The following FH variants were observed in gnomAD, a reference collection of about 807,000 sequenced individuals.
The protein encoded by FH is fumarate hydratase, mitochondrial.
FH carries 22 observed loss-of-function variants against 49.4 expected under a neutral mutation model. The ratio of observed to expected loss-of-function variants is 0.45; its 90% CI spans 0.32 to 0.64. FH has a LOEUF of 0.64. Among genes scored for constraint, FH ranks in the 30% least tolerant of loss-of-function variants. FH has a pLI of 0.05. For missense variants in FH, 526 were observed against 641.5 expected, an observed-to-expected ratio of 0.82 and a Z score of 1.95; for synonymous variants, 208 against 223.0, an observed-to-expected ratio of 0.93 and a Z score of 0.60.
At position 241,512,138 on chromosome 1, in the gene FH, A is replaced by G. The variant is rs766368767; in HGVS notation, c.384T>C (p.Ala128=). 6.2e-7 allele frequency: 1 copy of G among 1,613,064 alleles called. No individual in the cohort carries two copies. Among genetic ancestry groups the G allele is most frequent in the African/African-American group, 1.3e-5 (1 of 74,896 alleles). Residue 128 remains alanine (A), a synonymous_variant, in exon 4 of 10, where the codon GCT becomes GCC. Coordinates refer to ENST00000366560, the MANE Select transcript of FH (RefSeq NM_000143.4). ...NAIMKAADEV[A]EGKLNDHFPL... ...GAAAATGATCATTTAATTTACCTTC[A>G]GCTACCTGCAGAAAAAATGTTAAAA... is the stretch of plus-strand genomic sequence containing the variant.
At chr1:241,507,634 T>C (rs192950056) in intron 5 of FH, among the ~76,000 whole-genome samples, 3 of 152,310 alleles carry the variant, frequency 2.0e-5, no homozygotes, top group Non-Finnish European at 4.4e-5. Context: ...GTATTTAGTA[T>C]TGTAGTTTTC....
rs143855605 is a variant in FH at position 241,497,714 on chromosome 1, T to C, written c.*114A>G. On this transcript the variant is annotated 3_prime_UTR_variant, in exon 10 of 10. Coordinates refer to ENST00000366560, the MANE Select transcript of FH (RefSeq NM_000143.4). ...TTATATACTGATCAAATTGCTCTGC[T>C]AGAGATGCTTAAGTTCAATAGCAGT... is the stretch of plus-strand genomic sequence containing the variant. The C allele has an allele frequency of 3.5e-4, 323 of 930,632 alleles. 3 individuals carry two copies. In the African/African-American group the frequency reaches 4.8e-3, roughly 14 times the overall value. The allele number at this position is 930,632 out of a possible 1,614,324, so 57.6% of individuals were successfully genotyped here. A position where few individuals can be genotyped will look rare whatever the true frequency, so the allele number is the denominator to read the frequency against.
At chr1:241,518,225 G>C (rs1035262485) in intron 1 of FH, among the ~76,000 whole-genome samples, 2 of 152,118 alleles carry the variant, frequency 1.3e-5, no homozygotes, top group African/African-American at 4.8e-5. Flanking sequence ...AGGGCAAAAA[G>C]TACCAGAACT....
At chr1:241,500,323 A>T in intron 9 of FH, 114 bp downstream of exon 9, 2 of 1,011,924 alleles carry the variant, frequency 2.0e-6, no homozygotes, top group Non-Finnish European at 3.1e-6. Flanking sequence ...TTTTACTAAA[A>T]CCATATTCAA....
At chr1:241,514,003 G>A (rs759361060) in intron 2 of FH, among the ~76,000 whole-genome samples, 5 of 151,814 alleles carry the variant, frequency 3.3e-5, no homozygotes, top group Non-Finnish European at 5.9e-5. Context: ...ATATTCACAC[G>A]AATACAATCC....
chr1:241,515,767 T>A (rs575783246), intron 2 of FH, among the ~76,000 whole-genome samples: 1 of 152,342 alleles, frequency 6.6e-6, no homozygotes, highest in South Asian at 2.1e-4. Flanking sequence ...GTTATGCATT[T>A]CTCAATTCTT....
chr1:241,504,395 A>C, intron 6 of FH, 150 bp from the exon 7 acceptor site: 2 of 752,958 alleles, frequency 2.7e-6, no homozygotes, highest in Non-Finnish European at 4.4e-6. Context: ...AATTTTGTCT[A>C]CATTTTTAAA....
intron 2 of FH, 101 bp downstream of exon 2, chr1:241,517,081 A>G (rs748234002): frequency 5.6e-5 from 81 of 1,446,328 alleles, no homozygotes; most frequent in Non-Finnish European, 7.7e-5. Context: ...TTTTCTAATA[A>G]CTTTACATTT....
chr1:241,517,373 A>T, intron 1 of FH, 57 bp from the exon 2 acceptor site: 2 of 1,589,956 alleles, frequency 1.3e-6, no homozygotes, highest in South Asian at 2.2e-5. Context: ...GATCAAAAGT[A>T]ATCGCATCTT....
At chr1:241,507,280 C>A (rs973901459) in intron 5 of FH, among the ~76,000 whole-genome samples, 2 of 152,130 alleles carry the variant, frequency 1.3e-5, no homozygotes, top group African/African-American at 2.4e-5. Flanking sequence ...GAGGAAAAGG[C>A]TATGCCATAT....
chr1:241,518,926 C>T (rs1007520875), intron 1 of FH: 2 of 152,244 alleles, frequency 1.3e-5, no homozygotes, highest in African/African-American at 4.8e-5. Flanking sequence ...CTCAAACATG[C>T]TTCAGAACAC....
rs192557658 is a variant in FH, at chr1:241,516,423, G to A, written c.267+759C>T. On this transcript the variant is annotated intron_variant, in intron 2 of 9. Coordinates refer to ENST00000366560, the MANE Select transcript of FH (RefSeq NM_000143.4). ...AACAGAGGAACAGAAAACCAAACCC[G>A]CATGTTCTCACTTGTAAGTGGGAGC... Among the ~76,000 whole-genome samples the A allele has an allele frequency of 2.2e-4, 33 of 152,262 alleles. No homozygotes were observed. The East Asian group carries it at 3.7e-3, about 17-fold the overall frequency.
chr1:241,510,797 G>A (rs1012522610), intron 4 of FH, among the ~76,000 whole-genome samples: 1 of 152,134 alleles, frequency 6.6e-6, no homozygotes, highest in Non-Finnish European at 1.5e-5. Flanking sequence ...AATGCAGGCA[G>A]GGTTTAGTGA....
intron 6 of FH, among the ~76,000 whole-genome samples, chr1:241,505,322 TGTTCTCA>T (rs1659902020): frequency 6.6e-6 from 1 of 152,176 alleles, no homozygotes; most frequent in African/African-American, 2.4e-5. Context: ...ATGAGTTAGA[TGTTCTCA>T]GTTAACCCCC....
At chr1:241,510,627 T>G (rs1270544570) in intron 4 of FH, among the ~76,000 whole-genome samples, 1 of 152,184 alleles carries the variant, frequency 6.6e-6, no homozygotes, top group African/African-American at 2.4e-5. Flanking sequence ...GTAGATAAGA[T>G]TCCCTGATGA....
In FH at chr1:241,513,712, G is replaced by C. The variant is rs1401508226; in HGVS notation, c.269C>G (p.Thr90Ser). 6.2e-7 allele frequency: 1 copy of C among 1,611,730 alleles called. No individual in the cohort carries two copies. ...GATGCCAAAAGCTTTAATAACTGGG[G>C]TCTAAAATTAATCAGAAAAATATTT... ...KIGGVTERMPTPVIKAFGILK... is the reference protein window; with the variant it reads ...KIGGVTERMPSPVIKAFGILK... The change falls in exon 3 of 10, where the codon ACC becomes AGC. Residue 90 changes from threonine to serine, a missense_variant and splice_region_variant. Thr to Ser is a moderately conservative substitution (Grantham distance 58). This residue lies in a region of FH where 143 missense variants were observed against 127.5 expected (regional missense o/e 1.12). Transcript: ENST00000366560.
chr1:241,508,589 T>G lies in FH; in HGVS notation c.738+14A>C. The stretch of plus-strand genomic sequence containing the variant: ...CAAGCTCTAAATTGAATCAAATTAG[T>G]CAAACTCCTATACCTGCCCAAGAGT... On this transcript the variant is annotated intron_variant, in intron 5 of 9. Transcript: ENST00000366560. 4 of 1,609,250 alleles carry G rather than the reference T, an allele frequency of 2.5e-6. No homozygotes were observed. The highest frequency in any genetic ancestry group is 3.4e-6 in the Non-Finnish European group (4 of 1,175,660).
intron 8 of FH, 102 bp downstream of exon 8, chr1:241,502,341 C>T: frequency 7.4e-7 from 1 of 1,347,268 alleles, no homozygotes; most frequent in East Asian, 2.3e-5. Flanking sequence ...ACTTATGTCA[C>T]CCAACTACCC....
In FH at chr1:241,497,950, T is replaced by C. The variant is rs1659667519; in HGVS notation, c.1411A>G (p.Ile471Val). ...CCATTTTTGTGTGCTGTCTTAGCAA[T>C]CTTTGCTGCCTTGTCATACCCTGAA... ...PHIGYDKAAK[I>V]AKTAHKNGST... The change falls in exon 10 of 10, where the codon ATT becomes GTT. Residue 471 changes from isoleucine (I) to valine (V), a missense_variant. Coordinates refer to ENST00000366560, the MANE Select transcript of FH (RefSeq NM_000143.4). The C allele has an allele frequency of 6.2e-7, 1 of 1,614,086 alleles. No homozygotes were observed.
Sources: allele counts gnomAD v4.1 joint callset (sites outside exome capture counted in the v4.1 genomes callset), GRCh38; gene constraint gnomAD v4.1.1; regional missense constraint gnomAD v4.1.1; transcripts MANE v1.5; gene names NCBI Gene and HGNC (gene_info 2026-07-23, HGNC 2026-07-21).